Variants in LCLAT1 observed in about 807,000 individuals in gnomAD.
LCLAT1 encodes the protein lysocardiolipin acyltransferase 1.
In LCLAT1, 11 loss-of-function variants were observed where a neutral mutation model predicts 30.7. The ratio of observed to expected loss-of-function variants is 0.36; its 90% CI spans 0.23 to 0.59. LCLAT1 has a LOEUF of 0.59. LCLAT1 is among the 20% of genes least tolerant of loss of function. The pLI is 0.77. For missense variants in LCLAT1, 402 were observed against 458.6 expected (o/e 0.88, Z 1.13); for synonymous variants, 155 against 151.3 (o/e 1.02, Z -0.18).
intron 5 of LCLAT1, among the ~76,000 whole-genome samples, chr2:30,586,087 C>CA (rs1490766508): frequency 6.6e-6 from 1 of 151,624 alleles, no homozygotes; most frequent in Non-Finnish European, 1.5e-5. Flanking sequence ...TAAAAAAATA[C>CA]AAAAAAATTA....
chr2:30,577,099 T>C (rs1666023398), intron 5 of LCLAT1, among the ~76,000 whole-genome samples: 1 of 148,756 alleles, frequency 6.7e-6, no homozygotes, highest in African/African-American at 2.4e-5. Context: ...TTATATAAAA[T>C]TATATTAATA....
At chr2:30,519,363 G>A (rs1685357582) in intron 1 of LCLAT1, among the ~76,000 whole-genome samples, 1 of 152,156 alleles carries the variant, frequency 6.6e-6, no homozygotes. Context: ...CTCTGATGTT[G>A]ATGACATCAA....
chr2:30,547,436 G>T (rs1322432846), intron 3 of LCLAT1, among the ~76,000 whole-genome samples: 4 of 152,164 alleles, frequency 2.6e-5, no homozygotes, highest in Non-Finnish European at 5.9e-5. Flanking sequence ...GAACCACTGT[G>T]ATGCACACAT....
intron 5 of LCLAT1, among the ~76,000 whole-genome samples, chr2:30,610,856 C>T (rs1667702289): frequency 6.6e-6 from 1 of 151,998 alleles, no homozygotes; most frequent in South Asian, 2.1e-4. Flanking sequence ...TCTCCACGGA[C>T]ATGAATATAA....
intron 1 of LCLAT1, among the ~76,000 whole-genome samples, chr2:30,488,353 G>C (rs968685290): frequency 6.6e-6 from 1 of 152,218 alleles, no homozygotes; most frequent in African/African-American, 2.4e-5. Context: ...AGTAACAGTA[G>C]ATTATTATCC....
Position 30,453,390 on chromosome 2 carries a change from C to G in LCLAT1, c.-5+6007C>G, listed in dbSNP as rs890990523. On this transcript the variant is annotated intron_variant, in intron 1 of 5. Transcript: ENST00000379509. ...TTCCCCCACTGGAATGTTTAGGTAT[C>G]TTGGGAAAGGCAGCCTTGGCTGTGG... Among the ~76,000 whole-genome samples, 19 of 152,278 alleles carry G rather than the reference C, an allele frequency of 1.2e-4. No homozygotes were observed. The East Asian group carries it at 2.1e-3, about 17-fold the overall frequency.
intron 1 of LCLAT1, among the ~76,000 whole-genome samples, chr2:30,464,997 A>G (rs1044586555): frequency 1.3e-5 from 2 of 152,186 alleles, no homozygotes; most frequent in Admixed American, 6.5e-5. Context: ...GGCATGAGCC[A>G]CCATGCCTGG....
intron 5 of LCLAT1, 122 bp from the exon 6 acceptor site, chr2:30,639,995 T>A: frequency 1.4e-6 from 1 of 718,582 alleles, no homozygotes; most frequent in East Asian, 2.5e-5. Flanking sequence ...AACCCTTGTT[T>A]GTTCATTGTG....
intron 5 of LCLAT1, among the ~76,000 whole-genome samples, chr2:30,588,820 G>C (rs1666557605): frequency 6.6e-6 from 1 of 152,046 alleles, no homozygotes; most frequent in African/African-American, 2.4e-5. Context: ...GGCTGATCTT[G>C]AACTCCCTAC....
intron 5 of LCLAT1, among the ~76,000 whole-genome samples, chr2:30,628,044 C>G (rs1478837363): frequency 6.6e-6 from 1 of 151,932 alleles, no homozygotes; most frequent in Non-Finnish European, 1.5e-5. Context: ...ATTTCAATTA[C>G]AATAAAAAAA....
At chr2:30,637,085 G>A (rs955533947) in intron 5 of LCLAT1, among the ~76,000 whole-genome samples, 3 of 152,130 alleles carry the variant, frequency 2.0e-5, no homozygotes, top group African/African-American at 7.2e-5. Context: ...CTGGCTAATT[G>A]GCATGACAAG....
chr2:30,615,851 G>A (rs1667970394), intron 5 of LCLAT1, among the ~76,000 whole-genome samples: 2 of 152,148 alleles, frequency 1.3e-5, no homozygotes, highest in Admixed American at 6.5e-5. Flanking sequence ...CAGATTACTT[G>A]CCGGTTACGT....
At chr2:30,545,124 A>G (rs1040815093) in intron 3 of LCLAT1, among the ~76,000 whole-genome samples, 4 of 152,186 alleles carry the variant, frequency 2.6e-5, no homozygotes, top group African/African-American at 9.7e-5. Flanking sequence ...AAAGCAAACA[A>G]ATACAGAGTA....
rs115449257 is a variant in LCLAT1 at position 30,486,703 on chromosome 2, T to C, written c.-4-38884T>C. 7.0e-3 allele frequency among the ~76,000 whole-genome samples: 1,064 copies of C among 152,282 alleles called. 11 individuals carry two copies. The highest frequency in any genetic ancestry group is 0.024 in the African/African-American group (1,009 of 41,556). ...TGTGACTGAGTTCTAGCCAATGGAA[T>C]GTGAGTGGAAAATGATGTGTAGTGT... On this transcript the variant is annotated intron_variant, in intron 1 of 5. Coordinates refer to ENST00000379509, the MANE Select transcript of LCLAT1 (RefSeq NM_001002257.3).
At chr2:30,459,154 A>G (rs1029759895) in intron 1 of LCLAT1, among the ~76,000 whole-genome samples, 1 of 151,986 alleles carries the variant, frequency 6.6e-6, no homozygotes, top group African/African-American at 2.4e-5. Context: ...TGAATACCCT[A>G]TGTGTTACAA....
chr2:30,586,618 C>G (rs1014437358), intron 5 of LCLAT1, among the ~76,000 whole-genome samples: 1 of 152,176 alleles, frequency 6.6e-6, no homozygotes, highest in African/African-American at 2.4e-5. Context: ...TTGGGAGACA[C>G]TCTTCAACAC....
chr2:30,636,731 A>T (rs1033068899), intron 5 of LCLAT1, among the ~76,000 whole-genome samples: 2 of 152,256 alleles, frequency 1.3e-5, no homozygotes, highest in Non-Finnish European at 2.9e-5. Flanking sequence ...AGGAAGAAAG[A>T]AAAGGGCATT....
chr2:30,636,424 T>G (rs1221950393), intron 5 of LCLAT1, among the ~76,000 whole-genome samples: 3 of 152,164 alleles, frequency 2.0e-5, no homozygotes, highest in African/African-American at 7.2e-5. Context: ...TATTGAGAAT[T>G]TGCTATTTAA....
At chr2:30,619,829 A>G (rs146156856) in intron 5 of LCLAT1, among the ~76,000 whole-genome samples, 1 of 152,208 alleles carries the variant, frequency 6.6e-6, no homozygotes, top group African/African-American at 2.4e-5. Flanking sequence ...CGTGTCCCAG[A>G]GTTATCCAGA....
Sources: allele counts gnomAD v4.1 joint callset (sites outside exome capture counted in the v4.1 genomes callset), GRCh38; gene constraint gnomAD v4.1.1; transcripts MANE v1.5; gene names NCBI Gene and HGNC (gene_info 2026-07-23, HGNC 2026-07-21).